The following ACADM variants were observed in gnomAD, a reference collection of about 807,000 sequenced individuals.
ACADM encodes the protein acyl-CoA dehydrogenase medium chain.
Under a neutral mutation model 58.9 loss-of-function variants are expected in ACADM, and 49 were observed. The observed-to-expected ratio is 0.83, with a 90% CI of 0.66 to 1.06. ACADM has a LOEUF of 1.06. Among genes scored for constraint, ACADM ranks in the 50% least tolerant of loss-of-function variants. The pLI is 0.00. For synonymous variants in ACADM, 160 were observed against 157.7 expected (o/e 1.01, Z -0.11); for missense variants, 496 against 507.0 (o/e 0.98, Z 0.21).
chr1:75,745,890 C>G lies in ACADM; in HGVS notation c.684C>G (p.Thr228=). The change falls in exon 8 of 12, where the codon ACC becomes ACG. Residue 228 remains threonine, a synonymous_variant. Transcript: ENST00000370841. Reference sequence around the variant, plus strand: ...CTGGATTCATTGTGGAAGCAGATACCCCAGGAATTCAGATTGGGAGAAAGG... The same window carrying G: ...CTGGATTCATTGTGGAAGCAGATACGCCAGGAATTCAGATTGGGAGAAAGG... ...AFTGFIVEAD[T]PGIQIGRKEL... 1 of 1,612,430 alleles carries G rather than the reference C, an allele frequency of 6.2e-7. No homozygotes were observed. Among genetic ancestry groups the G allele is most frequent in the Non-Finnish European group, 8.5e-7 (1 of 1,178,722 alleles).
chr1:75,736,963 CCTT>C (rs1647287337), intron 6 of ACADM, among the ~76,000 whole-genome samples: 1 of 151,886 alleles, frequency 6.6e-6, no homozygotes, highest in Non-Finnish European at 1.5e-5. Flanking sequence ...CTTATGCCTT[CCTT>C]CTTTTTACAT....
At position 75,762,849 on chromosome 1, in the gene ACADM, C is replaced by T. The variant is rs986853434; in HGVS notation, c.*86C>T. 6 of 799,948 alleles carry T rather than the reference C, an allele frequency of 7.5e-6. No homozygotes were observed. Among genetic ancestry groups the T allele is most frequent in the Non-Finnish European group, 1.2e-5 (6 of 482,292 alleles). 49.6% of individuals were successfully genotyped at this position (799,948 alleles called of 1,614,324 possible). A position where few individuals can be genotyped will look rare whatever the true frequency, so the allele number is the denominator to read the frequency against. The stretch of plus-strand genomic sequence containing the variant: ...AAAGAAAGGGCTTTAACGTTTTTTC[C>T]AGTGAAAACAAATCCTCTTATATTA... On this transcript the variant is annotated 3_prime_UTR_variant, in exon 12 of 12. Coordinates refer to ENST00000370841, the MANE Select transcript of ACADM (RefSeq NM_000016.6).
intron 7 of ACADM, chr1:75,744,610 C>CT: frequency 8.9e-7 from 1 of 1,124,076 alleles, no homozygotes; most frequent in Non-Finnish European, 1.4e-6. Context: ...GAAGCGAACA[C>CT]TGAAGACACT....
intron 10 of ACADM, among the ~76,000 whole-genome samples, chr1:75,759,656 C>CT (rs34394777): frequency 0.27 from 23,818 of 87,410 alleles, 3,354 homozygotes; most frequent in East Asian, 0.62. Flanking sequence ...TAGCAACTTT[C>CT]TTTTTTTTTT....
At chr1:75,731,172 A>G (rs1647142548) in intron 2 of ACADM, among the ~76,000 whole-genome samples, 1 of 149,064 alleles carries the variant, frequency 6.7e-6, no homozygotes, top group Non-Finnish European at 1.5e-5. Flanking sequence ...CCAGCTGCTC[A>G]GGAGGCTGAG....
intron 1 of ACADM, 46 bp downstream of exon 1, chr1:75,724,863 G>A: frequency 7.1e-7 from 1 of 1,406,388 alleles, no homozygotes. Context: ...CATGGGTATT[G>A]TGGTGTCGGA....
At chr1:75,735,721 C>T (rs1054275193) in intron 6 of ACADM, among the ~76,000 whole-genome samples, 21 of 151,568 alleles carry the variant, frequency 1.4e-4, no homozygotes, top group Admixed American at 1.1e-3. Context: ...GATGTGGTGG[C>T]GCTTGCCAGC....
chr1:75,750,447 C>CTTAAATACTTAAAA lies in ACADM; in HGVS notation c.850-3_850-2insTAAATACTTAAAAT, dbSNP rs1553125391. 4 of 1,605,440 alleles carry CTTAAATACTTAAAA rather than the reference C, an allele frequency of 2.5e-6. No homozygotes were observed. The highest frequency in any genetic ancestry group is 4.5e-5 in the East Asian group (2 of 44,814). On this transcript the variant is annotated splice_region_variant and splice_polypyrimidine_tract_variant and intron_variant, in intron 9 of 11. Coordinates refer to ENST00000370841, the MANE Select transcript of ACADM (RefSeq NM_000016.6). ...TTTTGCTTTATAATATCTTAAAATACTAGGTAGCTGCTGGTGCTGTTGGAT... is the reference window on the plus strand; with the variant it reads ...TTTTGCTTTATAATATCTTAAAATACTTAAATACTTAAAATAGGTAGCTGCTGGTGCTGTTGGAT...
At chr1:75,738,778 T>C (rs545623529) in intron 6 of ACADM, among the ~76,000 whole-genome samples, 157 of 152,096 alleles carry the variant, frequency 1.0e-3, no homozygotes, top group Middle Eastern at 6.8e-3. Context: ...GTAAGTACCT[T>C]AAGGGCAAGT....
At chr1:75,734,226 C>G (rs57969820) in intron 5 of ACADM, among the ~76,000 whole-genome samples, 4,885 of 143,694 alleles carry the variant, frequency 0.034, 185 homozygotes, top group African/African-American at 0.072. Flanking sequence ...TGCAGTGGCG[C>G]GATCTCAGCT....
chr1:75,733,649 A>G (rs1647189645), intron 5 of ACADM, 21 bp downstream of exon 5: 1 of 1,560,222 alleles, frequency 6.4e-7, no homozygotes, highest in Non-Finnish European at 8.8e-7. Context: ...TAGAAAATTA[A>G]CTACCTAACT....
At chr1:75,757,075 T>C (rs988675773) in intron 10 of ACADM, among the ~76,000 whole-genome samples, 4 of 152,218 alleles carry the variant, frequency 2.6e-5, no homozygotes, top group African/African-American at 7.2e-5. Context: ...GATTAAAGAC[T>C]TAAATGTTAG....
chr1:75,743,931 C>G (rs370703066), intron 7 of ACADM: 1 of 1,512,730 alleles, frequency 6.6e-7, no homozygotes, highest in Non-Finnish European at 9.2e-7. Context: ...TCACAGATGC[C>G]GACATGAAGC....
Position 75,751,359 on chromosome 1 carries a change from T to C in ACADM, c.945+813T>C, listed in dbSNP as rs560054816. 1.7e-4 allele frequency among the ~76,000 whole-genome samples: 26 copies of C among 151,944 alleles called. No individual in the cohort carries two copies. The South Asian group carries it at 5.4e-3, about 32-fold the overall frequency. ...CGTCTCAAAAAAGAAAATATATATA[T>C]ATTTTCTGATTCTCTCAGTAACCCT... On this transcript the variant is annotated intron_variant, in intron 10 of 11. Transcript: ENST00000370841.
intron 2 of ACADM, 32 bp downstream of exon 2, chr1:75,728,520 A>G: frequency 6.8e-7 from 1 of 1,461,958 alleles, no homozygotes; most frequent in African/African-American, 1.4e-5. Flanking sequence ...TTGACTTTAA[A>G]CTTATACATA....
intron 4 of ACADM, 50 bp from the exon 5 acceptor site, chr1:75,733,478 A>G (rs542702371): frequency 7.4e-6 from 11 of 1,492,070 alleles, no homozygotes; most frequent in East Asian, 4.5e-5. Flanking sequence ...CTTTATTTCT[A>G]TTGTGATGTA....
chr1:75,736,496 G>A (rs1322529579), intron 6 of ACADM, among the ~76,000 whole-genome samples: 1 of 152,028 alleles, frequency 6.6e-6, no homozygotes. Context: ...TCTCACTATT[G>A]TCTATAAGAA....
chr1:75,742,735 C>G (rs1353259429), intron 7 of ACADM, among the ~76,000 whole-genome samples: 15 of 152,070 alleles, frequency 9.9e-5, no homozygotes, highest in Non-Finnish European at 7.4e-5. Context: ...TGATGGAGAG[C>G]GTGAGGGCAG....
intron 6 of ACADM, among the ~76,000 whole-genome samples, chr1:75,736,558 A>G (rs535655013): frequency 2.9e-4 from 44 of 152,258 alleles, no homozygotes; most frequent in African/African-American, 1.1e-3. Flanking sequence ...TCAGCTCTCC[A>G]TATCCATGAG....
Sources: allele counts gnomAD v4.1 joint callset (sites outside exome capture counted in the v4.1 genomes callset), GRCh38; gene constraint gnomAD v4.1.1; transcripts MANE v1.5; gene names NCBI Gene and HGNC (gene_info 2026-07-23, HGNC 2026-07-21).